Variants in BPIFB2 observed in about 807,000 individuals in gnomAD.
BPIFB2 encodes BPI fold containing family B member 2, also known as BPI fold-containing family B member 2.
BPIFB2 carries 39 observed loss-of-function variants against 50.1 expected under a neutral mutation model. That is an observed-to-expected ratio of 0.78 (90% confidence interval 0.60 to 1.02). BPIFB2 has a LOEUF of 1.02. BPIFB2 is among the 50% of genes least tolerant of loss of function. The probability of loss-of-function intolerance (pLI) is 0.00; values close to 1 mark genes in which losing one functional copy is unlikely to be tolerated. For missense variants in BPIFB2, 574 were observed against 585.8 expected, an observed-to-expected ratio of 0.98 and a Z score of 0.21; for synonymous variants, 280 against 256.3, an observed-to-expected ratio of 1.09 and a Z score of -0.88.
chr20:33,008,403 C>A, intron 1 of BPIFB2, 138 bp from the exon 2 acceptor site: 1 of 559,852 alleles, frequency 1.8e-6, no homozygotes, highest in Non-Finnish European at 3.2e-6. Context: ...TGCAGAGATG[C>A]AAAAACTGAT....
Position 33,021,775 on chromosome 20 carries a change from C to A in BPIFB2, c.1311C>A (p.Val437=). The A allele has an allele frequency of 6.2e-7, 1 of 1,613,628 alleles. No individual in the cohort carries two copies. Among genetic ancestry groups the A allele is most frequent in the Non-Finnish European group, 8.5e-7 (1 of 1,179,766 alleles). ...CTGGTGTGGTCAACCTCCACTATGTCGCCCCTGAGATCTTTGTCTATGAGG... is the reference window on the plus strand; with the variant it reads ...CTGGTGTGGTCAACCTCCACTATGTAGCCCCTGAGATCTTTGTCTATGAGG... The part of the protein sequence containing the change: ...ALPGVVNLHY[V]APEIFVYEGY... Residue 437 remains valine (V), a synonymous_variant, in exon 15 of 16, where the codon GTC becomes GTA. Coordinates refer to ENST00000170150, the MANE Select transcript of BPIFB2 (RefSeq NM_025227.3).
At chr20:33,019,551 C>T in intron 10 of BPIFB2, 29 bp from the exon 11 acceptor site, 1 of 1,555,460 alleles carries the variant, frequency 6.4e-7, no homozygotes, top group East Asian at 2.3e-5. Context: ...GCTGCCTCAG[C>T]AGGGCCTCCT....
At chr20:33,011,212 C>T (rs747577958) in intron 3 of BPIFB2, 95 bp downstream of exon 3, 64 of 1,222,718 alleles carry the variant, frequency 5.2e-5, no homozygotes, top group Non-Finnish European at 5.9e-5. Flanking sequence ...GGCATGTGCT[C>T]CTGCCTGCTG....
chr20:33,015,092 C>G (rs1263793164), intron 5 of BPIFB2, among the ~76,000 whole-genome samples: 1 of 152,238 alleles, frequency 6.6e-6, no homozygotes, highest in Admixed American at 6.5e-5. Flanking sequence ...GATCCCAGCT[C>G]TACCCCCTAA....
chr20:33,008,642 C>CCT lies in BPIFB2; in HGVS notation c.68_69insCT (p.Gly24Ter). On this transcript the variant is annotated frameshift_variant, in exon 2 of 16. Transcript: ENST00000170150. LOFTEE classifies it high-confidence loss of function. The stretch of plus-strand genomic sequence containing the variant: ...CTGCCCGTGGTCGGTGCCTCCACGC[C>CCT]AGGCACCGTGGTCCGACTCAACAAG... The CCT allele has an allele frequency of 6.2e-7, 1 of 1,607,742 alleles. No individual in the cohort carries two copies. The highest frequency in any genetic ancestry group is 1.3e-5 in the African/African-American group (1 of 74,794).
chr20:33,008,817 C>A, intron 2 of BPIFB2, 134 bp downstream of exon 2: 1 of 690,946 alleles, frequency 1.4e-6, no homozygotes, highest in Non-Finnish European at 2.4e-6. Flanking sequence ...TCCCTGGCAC[C>A]CAGACAGTGC....
At chr20:33,017,178 C>T (rs1978463897) in intron 7 of BPIFB2, 76 bp downstream of exon 7, 2 of 1,383,202 alleles carry the variant, frequency 1.4e-6, no homozygotes, top group South Asian at 2.4e-5. Context: ...CCAAAGGCTC[C>T]ACTCTGGATC....
intron 14 of BPIFB2, 80 bp from the exon 15 acceptor site, chr20:33,021,643 G>A (rs1600516699): frequency 4.3e-6 from 6 of 1,384,106 alleles, no homozygotes; most frequent in Non-Finnish European, 6.2e-6. Flanking sequence ...TGCCTGCGAG[G>A]ACTCAGTGCT....
chr20:33,012,748 G>T lies in BPIFB2; in HGVS notation c.204-55G>T, dbSNP rs1990304860. The T allele has an allele frequency of 9.1e-6, 13 of 1,431,128 alleles. No individual in the cohort carries two copies. The South Asian group carries it at 1.5e-4, about 16-fold the overall frequency. 88.7% of individuals were successfully genotyped at this position (1,431,128 alleles called of 1,614,324 possible). A position where few individuals can be genotyped will look rare whatever the true frequency, so the allele number is the denominator to read the frequency against. ...TATGGCTCAGAGCACCCACCCCAGA[G>T]TTGATCCCATGGTTTAATGGGGGCC... On this transcript the variant is annotated intron_variant, in intron 3 of 15. Coordinates refer to ENST00000170150, the MANE Select transcript of BPIFB2 (RefSeq NM_025227.3).
intron 6 of BPIFB2, among the ~76,000 whole-genome samples, chr20:33,015,935 C>T (rs1307413365): frequency 2.6e-5 from 4 of 152,158 alleles, no homozygotes; most frequent in Non-Finnish European, 5.9e-5. Context: ...CAAAGCCCCT[C>T]CTCCGTGGGG....
chr20:33,018,548 G>T (rs1345607225), intron 8 of BPIFB2, 89 bp from the exon 9 acceptor site: 1 of 1,430,862 alleles, frequency 7.0e-7, no homozygotes, highest in Non-Finnish European at 9.5e-7. Context: ...GGCAGGGAGT[G>T]GCATCTAGGA....
chr20:33,008,598 C>CCTGCTGCTGGCA lies in BPIFB2; in HGVS notation c.34_45dup (p.Ala12_Leu15dup). On this transcript the variant is annotated inframe_insertion, in exon 2 of 16. Coordinates refer to ENST00000170150, the MANE Select transcript of BPIFB2 (RefSeq NM_025227.3). Reference sequence around the variant, plus strand: ...CCATGGCTTGGGCAAGTAGGCTGGGCCTGCTGCTGGCACTGCTGCTGCCCG... The same window carrying CCTGCTGCTGGCA: ...CCATGGCTTGGGCAAGTAGGCTGGGCCTGCTGCTGGCACTGCTGCTGGCACTGCTGCTGCCCG... The CCTGCTGCTGGCA allele has an allele frequency of 6.2e-7, 1 of 1,602,020 alleles. No individual in the cohort carries two copies. Among genetic ancestry groups the CCTGCTGCTGGCA allele is most frequent in the Non-Finnish European group, 8.5e-7 (1 of 1,174,580 alleles).
At chr20:33,019,804 C>T in intron 11 of BPIFB2, 54 bp downstream of exon 11, 2 of 1,504,444 alleles carry the variant, frequency 1.3e-6, no homozygotes, top group South Asian at 1.3e-5. Flanking sequence ...AGACCTCCCT[C>T]CCTGCTTCAC....
At chr20:33,012,431 G>A (rs1192948958) in intron 3 of BPIFB2, among the ~76,000 whole-genome samples, 2 of 152,144 alleles carry the variant, frequency 1.3e-5, no homozygotes, top group African/African-American at 2.4e-5. Context: ...TGTAGGCTAC[G>A]AGCTGCAGAC....
chr20:33,013,688 G>A (rs954128427), intron 4 of BPIFB2, 122 bp from the exon 5 acceptor site: 7 of 1,379,214 alleles, frequency 5.1e-6, no homozygotes, highest in East Asian at 2.3e-5. Context: ...CTCTGGGAGT[G>A]GGGGGCCTGC....
At chr20:33,019,775 A>C in intron 11 of BPIFB2, 25 bp downstream of exon 11, 1 of 1,559,764 alleles carries the variant, frequency 6.4e-7, no homozygotes, top group Non-Finnish European at 8.7e-7. Flanking sequence ...GCTGGTCGGA[A>C]GGCAGGCAAC....
intron 6 of BPIFB2, 22 bp downstream of exon 6, chr20:33,015,518 C>T: frequency 1.3e-6 from 2 of 1,587,492 alleles, no homozygotes; most frequent in Non-Finnish European, 8.6e-7. Context: ...GCAGATTTCT[C>T]AGAAAGGAGG....
At chr20:33,019,541 G>T (rs375697860) in intron 10 of BPIFB2, 39 bp from the exon 11 acceptor site, 1 of 1,537,452 alleles carries the variant, frequency 6.5e-7, no homozygotes. Flanking sequence ...CCCGCCAGCC[G>T]CTGCCTCAGC....
intron 2 of BPIFB2, among the ~76,000 whole-genome samples, chr20:33,010,539 C>T (rs564553417): frequency 2.0e-5 from 3 of 152,284 alleles, no homozygotes; most frequent in Admixed American, 6.5e-5. Context: ...GTGAGCACTG[C>T]GGTTTGAAAC....
Sources: gnomAD v4.1 joint callset for allele counts (sites outside exome capture counted in the v4.1 genomes callset) on GRCh38, gnomAD v4.1.1 for gene constraint, MANE v1.5 for transcripts, NCBI Gene and HGNC (gene_info 2026-07-23, HGNC 2026-07-21) for gene names.